GNAL: variants seen among roughly 807,000 people sequenced by gnomAD.
GNAL encodes guanine nucleotide-binding protein G(olf) subunit alpha.
In GNAL, 18 loss-of-function variants were observed where a neutral mutation model predicts 55.1. That is an observed-to-expected ratio of 0.33 (90% CI 0.23 to 0.48). The LOEUF (loss-of-function observed/expected upper bound fraction) is 0.48. Ranked by LOEUF, GNAL falls within the 20% of genes least tolerant of loss-of-function variation. The pLI, the probability that GNAL is intolerant of heterozygous loss-of-function variation, is 0.99. For missense variants in GNAL, 412 were observed against 614.1 expected, an observed-to-expected ratio of 0.67 and a Z score of 3.48; for synonymous variants, 253 against 237.0, an observed-to-expected ratio of 1.07 and a Z score of -0.62.
At chr18:11,740,124 A>G (rs1377495158) in intron 1 of GNAL, among the ~76,000 whole-genome samples, 2 of 151,898 alleles carry the variant, frequency 1.3e-5, no homozygotes, top group Non-Finnish European at 2.9e-5. Flanking sequence ...TGGCAGGGAC[A>G]CCTGACAGGC....
chr18:11,854,034 A>G (rs544096430), intron 5 of GNAL: 1 of 166,812 alleles, frequency 6.0e-6, no homozygotes, highest in Admixed American at 6.5e-5. Flanking sequence ...TATGTTGGCC[A>G]GGCTGGTCTT....
intron 1 of GNAL, among the ~76,000 whole-genome samples, chr18:11,701,044 A>C (rs376702117): frequency 1.1e-4 from 17 of 152,358 alleles, no homozygotes; most frequent in Admixed American, 1.0e-3. Flanking sequence ...GGCAGAGAGC[A>C]CAGCCTCAGC....
chr18:11,712,109 G>A (rs1567994505), intron 1 of GNAL, among the ~76,000 whole-genome samples: 1 of 152,242 alleles, frequency 6.6e-6, no homozygotes, highest in Non-Finnish European at 1.5e-5. Context: ...ATCAGCCAGA[G>A]CTGTGCTGGC....
At chr18:11,807,163 A>C (rs1318481433) in intron 4 of GNAL, among the ~76,000 whole-genome samples, 1 of 152,102 alleles carries the variant, frequency 6.6e-6, no homozygotes, top group Admixed American at 6.5e-5. Context: ...TGTCTCAAAA[A>C]AAAAAAAGAA....
intron 4 of GNAL, among the ~76,000 whole-genome samples, chr18:11,801,971 C>G (rs182865008): frequency 4.6e-5 from 7 of 152,154 alleles, no homozygotes; most frequent in Non-Finnish European, 1.0e-4. Context: ...GTATAATAAT[C>G]AAGCATAATC....
At chr18:11,712,823 G>A (rs533801262) in intron 1 of GNAL, among the ~76,000 whole-genome samples, 1 of 152,100 alleles carries the variant, frequency 6.6e-6, no homozygotes, top group Non-Finnish European at 1.5e-5. Flanking sequence ...TTCCTTGCTC[G>A]TAGTAGCTGC....
At chr18:11,735,770 A>G (rs979515864) in intron 1 of GNAL, among the ~76,000 whole-genome samples, 4 of 150,246 alleles carry the variant, frequency 2.7e-5, no homozygotes, top group African/African-American at 9.9e-5. Flanking sequence ...AAAAAAAAGA[A>G]AGAGAGAAAG....
chr18:11,806,444 T>G (rs777386133), intron 4 of GNAL, among the ~76,000 whole-genome samples: 1 of 152,238 alleles, frequency 6.6e-6, no homozygotes, highest in Non-Finnish European at 1.5e-5. Context: ...GAGTTTTCCC[T>G]AGGTTTCCTT....
chr18:11,779,260 T>A (rs1350411855), intron 4 of GNAL, among the ~76,000 whole-genome samples: 1 of 152,194 alleles, frequency 6.6e-6, no homozygotes, highest in Admixed American at 6.5e-5. Context: ...ATCTATACCT[T>A]GCTGATAGTT....
intron 5 of GNAL, chr18:11,857,355 G>T: frequency 3.0e-6 from 1 of 331,054 alleles, no homozygotes. Context: ...GTTTCAAAGG[G>T]GGAAAAAAAG....
In GNAL at chr18:11,736,804, G is replaced by A. The variant is rs1430127650; in HGVS notation, c.377-16049G>A. Among the ~76,000 whole-genome samples, 5 of 152,322 alleles carry A rather than the reference G, an allele frequency of 3.3e-5. No homozygotes were observed. The East Asian group carries it at 9.6e-4, about 29-fold the overall frequency. On this transcript the variant is annotated intron_variant, in intron 1 of 11. Transcript: ENST00000334049. ...ACACTTGGTTCTGTTAGCAGACTTTGTATATGGATGGTTGATTAGTCAGTA... is the reference window on the plus strand; with the variant it reads ...ACACTTGGTTCTGTTAGCAGACTTTATATATGGATGGTTGATTAGTCAGTA...
intron 4 of GNAL, among the ~76,000 whole-genome samples, chr18:11,805,428 A>G (rs1166983322): frequency 6.6e-6 from 1 of 152,106 alleles, no homozygotes; most frequent in Non-Finnish European, 1.5e-5. Flanking sequence ...GTAGTGGTGA[A>G]GTCTGAGTTT....
intron 5 of GNAL, chr18:11,857,452 A>G (rs2036034078): frequency 1.0e-6 from 1 of 983,120 alleles, no homozygotes; most frequent in Non-Finnish European, 1.2e-6. Flanking sequence ...AAGAGACTGA[A>G]GGGGAGACTG....
intron 4 of GNAL, among the ~76,000 whole-genome samples, chr18:11,820,227 C>A (rs57878458): frequency 0.064 from 9,694 of 152,132 alleles, 447 homozygotes; most frequent in African/African-American, 0.13. Flanking sequence ...GACAGCTCTT[C>A]TTATATCTGT....
chr18:11,716,188 C>T (rs530281302), intron 1 of GNAL, among the ~76,000 whole-genome samples: 24 of 152,280 alleles, frequency 1.6e-4, no homozygotes, highest in African/African-American at 5.1e-4. Flanking sequence ...CTACTGTGTC[C>T]GGAATTGGTG....
chr18:11,737,153 A>G (rs1170594117), intron 1 of GNAL, among the ~76,000 whole-genome samples: 1 of 152,226 alleles, frequency 6.6e-6, no homozygotes, highest in Non-Finnish European at 1.5e-5. Context: ...ATTTTGATAC[A>G]AGCATCCAAT....
intron 1 of GNAL, among the ~76,000 whole-genome samples, chr18:11,712,696 T>G (rs1020525108): frequency 6.6e-6 from 1 of 152,186 alleles, no homozygotes; most frequent in African/African-American, 2.4e-5. Context: ...TACTCCTTAA[T>G]CCTCCCTAGC....
chr18:11,830,414 T>G (rs548344656), intron 5 of GNAL, among the ~76,000 whole-genome samples: 1 of 150,466 alleles, frequency 6.6e-6, no homozygotes, highest in Non-Finnish European at 1.5e-5. Flanking sequence ...AGCCTCAGAA[T>G]TGCATCTTGA....
At chr18:11,726,343 T>G (rs899483569) in intron 1 of GNAL, among the ~76,000 whole-genome samples, 52 of 152,366 alleles carry the variant, frequency 3.4e-4, no homozygotes, top group Admixed American at 8.5e-4. Flanking sequence ...CTTTTAGGAT[T>G]CTTAGGAACC....
Sources: gnomAD v4.1 joint callset for allele counts (sites outside exome capture counted in the v4.1 genomes callset) on GRCh38, gnomAD v4.1.1 for gene constraint, MANE v1.5 for transcripts, NCBI Gene and HGNC (gene_info 2026-07-23, HGNC 2026-07-21) for gene names.